Variants in CPNE8 observed in about 807,000 individuals in gnomAD.
CPNE8 encodes copine 8, also known as copine-8.
Under a neutral mutation model 81.5 loss-of-function variants are expected in CPNE8, and 45 were observed. The observed-to-expected ratio is 0.55, with a 90% CI of 0.44 to 0.71. CPNE8 has a LOEUF of 0.71. Ranked by LOEUF, CPNE8 falls within the 30% of genes least tolerant of loss-of-function variation. The probability of loss-of-function intolerance (pLI) is 0.00; values close to 1 mark genes in which losing one functional copy is unlikely to be tolerated. For synonymous variants in CPNE8, 252 were observed against 226.3 expected, an observed-to-expected ratio of 1.11 and a Z score of -1.02; for missense variants, 594 against 672.1, an observed-to-expected ratio of 0.88 and a Z score of 1.28.
In CPNE8 at chr12:38,878,224, C is replaced by A. The variant is rs192400434; in HGVS notation, c.99-3713G>T. ...AGCTGTTCTTTTGTTCCTTTTCTTT[C>A]TTAATAAACTTGCTTTCACTTTATT... On this transcript the variant is annotated intron_variant, in intron 1 of 19. Transcript: ENST00000331366. 2.2e-4 allele frequency among the ~76,000 whole-genome samples: 33 copies of A among 152,310 alleles called. 1 individual carries two copies. In the South Asian group the frequency reaches 3.7e-3, roughly 17 times the overall value.
intron 3 of CPNE8, among the ~76,000 whole-genome samples, chr12:38,855,002 T>TCTA (rs1393433455): frequency 6.6e-6 from 1 of 152,008 alleles, no homozygotes; most frequent in African/African-American, 2.4e-5. Context: ...TAGAGAAAGT[T>TCTA]CTAGACTCCA....
At chr12:38,807,361 G>C (rs1184901368) in intron 6 of CPNE8, among the ~76,000 whole-genome samples, 1 of 149,152 alleles carries the variant, frequency 6.7e-6, no homozygotes, top group Non-Finnish European at 1.5e-5. Context: ...ATACTACAAG[G>C]CTACAGTCAC....
chr12:38,766,816 T>A (rs1050456534), intron 8 of CPNE8, among the ~76,000 whole-genome samples: 3 of 152,132 alleles, frequency 2.0e-5, no homozygotes, highest in African/African-American at 4.8e-5. Context: ...TAGCTAATGT[T>A]TAAGTTCTTC....
At chr12:38,757,945 G>C (rs764602636) in intron 10 of CPNE8, among the ~76,000 whole-genome samples, 32 of 151,896 alleles carry the variant, frequency 2.1e-4, no homozygotes, top group Non-Finnish European at 3.8e-4. Flanking sequence ...AGTAAGATGA[G>C]TATTTAAAAA....
intron 14 of CPNE8, 77 bp downstream of exon 14, chr12:38,702,794 AAATT>A: frequency 2.4e-6 from 2 of 836,744 alleles, no homozygotes; most frequent in East Asian, 2.8e-5. Flanking sequence ...ATATAGAAAT[AAATT>A]AACACTTATG....
chr12:38,833,689 A>G (rs894989843), intron 5 of CPNE8, among the ~76,000 whole-genome samples: 11 of 151,986 alleles, frequency 7.2e-5, no homozygotes, highest in African/African-American at 2.4e-4. Flanking sequence ...CGTGTTAGCC[A>G]GGATGGTCTC....
intron 1 of CPNE8, among the ~76,000 whole-genome samples, chr12:38,894,715 T>G (rs988889862): frequency 2.9e-4 from 42 of 146,260 alleles, no homozygotes; most frequent in African/African-American, 1.1e-3. Context: ...CTCTCTCATA[T>G]TCTTTACTTA....
chr12:38,725,006 A>G, intron 11 of CPNE8, 107 bp from the exon 12 acceptor site: 1 of 980,142 alleles, frequency 1.0e-6, no homozygotes, highest in Non-Finnish European at 1.5e-6. Flanking sequence ...CTTCTTATGC[A>G]TGTATTCATT....
At chr12:38,769,550 C>A (rs902502053) in intron 7 of CPNE8, among the ~76,000 whole-genome samples, 16 of 152,042 alleles carry the variant, frequency 1.1e-4, no homozygotes, top group African/African-American at 3.6e-4. Context: ...TATTTAAATG[C>A]CCTTGGGAGA....
rs555484275 is a variant in CPNE8, at chr12:38,719,813, A to G, written c.914+3959T>C. On this transcript the variant is annotated intron_variant, in intron 13 of 19. Coordinates refer to ENST00000331366, the MANE Select transcript of CPNE8 (RefSeq NM_153634.3). Reference sequence around the variant, plus strand: ...TGTATAACTGTAATATATTTTAAGGACATTACATACATTTATAATATGTCT... The same window carrying G: ...TGTATAACTGTAATATATTTTAAGGGCATTACATACATTTATAATATGTCT... Among the ~76,000 whole-genome samples the G allele has an allele frequency of 9.7e-4, 148 of 152,286 alleles. 2 individuals carry two copies. Among genetic ancestry groups the G allele is most frequent in the African/African-American group, 3.3e-3 (137 of 41,550 alleles).
chr12:38,899,355 C>G (rs1019760819), intron 1 of CPNE8, among the ~76,000 whole-genome samples: 4 of 152,044 alleles, frequency 2.6e-5, no homozygotes, highest in Admixed American at 6.6e-5. Context: ...TGTGAAAGTA[C>G]AGTGAGAAGC....
At position 38,888,245 on chromosome 12, in the gene CPNE8, G is replaced by A. The variant is rs114429705; in HGVS notation, c.99-13734C>T. 3.7e-3 allele frequency among the ~76,000 whole-genome samples: 570 copies of A among 152,216 alleles called. 6 individuals carry two copies. Among genetic ancestry groups the A allele is most frequent in the African/African-American group, 0.013 (558 of 41,530 alleles). On this transcript the variant is annotated intron_variant, in intron 1 of 19. Transcript: ENST00000331366. ...AGAATAATATGTTGCTTCTATAATG[G>A]AGGAAAAGTCATGTATATTCAGGCT...
intron 4 of CPNE8, among the ~76,000 whole-genome samples, chr12:38,843,427 CT>C (rs945734891): frequency 5.3e-5 from 8 of 152,114 alleles, no homozygotes; most frequent in Non-Finnish European, 1.0e-4. Context: ...TAAGTGAAGA[CT>C]TTTCCCTCTC....
chr12:38,731,356 T>C (rs1032324492), intron 10 of CPNE8, among the ~76,000 whole-genome samples: 1 of 151,956 alleles, frequency 6.6e-6, no homozygotes, highest in Non-Finnish European at 1.5e-5. Context: ...GAAACTTTTA[T>C]GGACCTTGCA....
intron 14 of CPNE8, among the ~76,000 whole-genome samples, chr12:38,697,774 G>C (rs928064106): frequency 3.3e-5 from 5 of 152,060 alleles, no homozygotes; most frequent in Non-Finnish European, 5.9e-5. Flanking sequence ...TCACGTGAGA[G>C]GTGGTTGCTA....
At chr12:38,899,664 T>A (rs1379677342) in intron 1 of CPNE8, among the ~76,000 whole-genome samples, 2 of 152,242 alleles carry the variant, frequency 1.3e-5, no homozygotes, top group Non-Finnish European at 2.9e-5. Context: ...TGTTATTTTT[T>A]ACTGATGTGT....
intron 1 of CPNE8, among the ~76,000 whole-genome samples, chr12:38,874,726 G>T (rs1242593027): frequency 6.6e-6 from 1 of 151,970 alleles, no homozygotes; most frequent in Non-Finnish European, 1.5e-5. Context: ...ATAAGAGAAA[G>T]CTTTTATTTT....
intron 13 of CPNE8, among the ~76,000 whole-genome samples, chr12:38,704,647 C>T (rs577810997): frequency 3.7e-4 from 56 of 151,648 alleles, no homozygotes; most frequent in Non-Finnish European, 7.4e-4. Context: ...CACTGTGGAG[C>T]ATCAGTTGTT....
At chr12:38,841,314 C>G (rs755965928) in intron 4 of CPNE8, among the ~76,000 whole-genome samples, 34 of 152,160 alleles carry the variant, frequency 2.2e-4, no homozygotes, top group Middle Eastern at 3.4e-3. Context: ...CTATAGAGAT[C>G]GAATTTCTTG....
Sources: allele counts gnomAD v4.1 joint callset (sites outside exome capture counted in the v4.1 genomes callset), GRCh38; gene constraint gnomAD v4.1.1; transcripts MANE v1.5; gene names NCBI Gene and HGNC (gene_info 2026-07-23, HGNC 2026-07-21).